The following KREMEN1 variants were observed in gnomAD, a reference collection of about 807,000 sequenced individuals.
The protein encoded by KREMEN1 is kringle containing transmembrane protein 1.
In KREMEN1, 30 loss-of-function variants were observed where a neutral mutation model predicts 46.5. The observed-to-expected ratio is 0.65, with a 90% CI of 0.48 to 0.88. KREMEN1 has a LOEUF of 0.88. Ranked by LOEUF, KREMEN1 falls within the 40% of genes least tolerant of loss-of-function variation. The probability of loss-of-function intolerance (pLI) is 0.00; values close to 1 mark genes in which losing one functional copy is unlikely to be tolerated. For synonymous variants in KREMEN1, 214 were observed against 230.6 expected (o/e 0.93, Z 0.65); for missense variants, 533 against 596.9 (o/e 0.89, Z 1.11).
chr22:29,110,032 C>T (rs919075150), intron 3 of KREMEN1, among the ~76,000 whole-genome samples: 4 of 152,296 alleles, frequency 2.6e-5, no homozygotes, highest in African/African-American at 7.2e-5. Context: ...GACCTTTTAC[C>T]AAGTAATGTG....
chr22:29,108,945 A>G (rs1287295577), intron 3 of KREMEN1, among the ~76,000 whole-genome samples: 1 of 152,060 alleles, frequency 6.6e-6, no homozygotes, highest in Non-Finnish European at 1.5e-5. Context: ...GCACACTACT[A>G]TGCCTGGCAA....
intron 3 of KREMEN1, among the ~76,000 whole-genome samples, chr22:29,113,456 G>A (rs1386920929): frequency 6.6e-6 from 1 of 152,186 alleles, no homozygotes; most frequent in Non-Finnish European, 1.5e-5. Context: ...AGTTGTTCTT[G>A]TTTGTGTGGT....
Position 29,142,780 on chromosome 22 carries a change from C to T in KREMEN1, c.*668C>T, listed in dbSNP as rs965303827. ...TTTATATCAAACCTGATACCTTACA[C>T]ATGGGCTTCTTTCTAGATTCTTCTT... is the stretch of plus-strand genomic sequence containing the variant. On this transcript the variant is annotated 3_prime_UTR_variant, in exon 9 of 9. Coordinates refer to ENST00000400335, the MANE Select transcript of KREMEN1 (RefSeq NM_001039570.3). The T allele has an allele frequency of 1.0e-6, 1 of 985,340 alleles. No individual in the cohort carries two copies. The highest frequency in any genetic ancestry group is 1.2e-6 in the Non-Finnish European group (1 of 829,926). 61.0% of individuals were successfully genotyped at this position (985,340 alleles called of 1,614,324 possible). A position where few individuals can be genotyped will look rare whatever the true frequency, so the allele number is the denominator to read the frequency against.
In KREMEN1 at chr22:29,143,403, G is replaced by A. The variant is rs145095696; in HGVS notation, c.*1291G>A. ...CTTAGGCAGCACTATATGAGACATG[G>A]GGCCTGTGGTCCTTCCTTCTGGTGT... On this transcript the variant is annotated 3_prime_UTR_variant, in exon 9 of 9. Transcript: ENST00000400335. 8.4e-4 allele frequency: 823 copies of A among 985,366 alleles called. 12 individuals are homozygous for A. In the East Asian group the frequency reaches 0.036, roughly 44 times the overall value. The allele number at this position is 985,366 out of a possible 1,614,324, so 61.0% of individuals were successfully genotyped here.
At chr22:29,097,791 C>CTTTATAAGAG in intron 2 of KREMEN1, among the ~76,000 whole-genome samples, 1 of 151,330 alleles carries the variant, frequency 6.6e-6, no homozygotes, top group Non-Finnish European at 1.5e-5. Context: ...TCTAGAGATA[C>CTTTATAAGAG]TTTATAAGAG....
intron 5 of KREMEN1, among the ~76,000 whole-genome samples, chr22:29,132,172 A>G (rs958043580): frequency 2.0e-5 from 3 of 152,034 alleles, no homozygotes; most frequent in African/African-American, 7.2e-5. Flanking sequence ...ACGACCGGCC[A>G]GAATAATGCT....
chr22:29,089,757 G>C (rs1248201288), intron 1 of KREMEN1, among the ~76,000 whole-genome samples: 1 of 152,050 alleles, frequency 6.6e-6, no homozygotes, highest in African/African-American at 2.4e-5. Flanking sequence ...TCATTCTCCT[G>C]CTCCAGTCAG....
intron 5 of KREMEN1, among the ~76,000 whole-genome samples, chr22:29,126,522 T>C (rs145388973): frequency 1.9e-3 from 289 of 149,168 alleles, no homozygotes; most frequent in African/African-American, 6.3e-3. Flanking sequence ...TCTATGTCTC[T>C]GTGTGTCTCC....
At chr22:29,151,581 A>G (rs988201778), downstream of KREMEN1, among the ~76,000 whole-genome samples, 3 of 152,212 alleles carry the variant, frequency 2.0e-5, no homozygotes, top group Admixed American at 6.5e-5. Context: ...GCCACAGACA[A>G]TATGTAAACA....
At chr22:29,153,065 A>G (rs1234874369) in intron 9 of KREMEN1, among the ~76,000 whole-genome samples, 2 of 152,200 alleles carry the variant, frequency 1.3e-5, no homozygotes, top group Admixed American at 1.3e-4. Flanking sequence ...TTTTTAGACC[A>G]TATAGGGTAA....
chr22:29,131,196 A>G (rs1311584472), intron 5 of KREMEN1, among the ~76,000 whole-genome samples: 2 of 152,102 alleles, frequency 1.3e-5, no homozygotes, highest in African/African-American at 4.8e-5. Flanking sequence ...TACCATTTTC[A>G]TTTTATAGAT....
At chr22:29,131,560 A>ATATATATGTGTG (rs1240832937) in intron 5 of KREMEN1, among the ~76,000 whole-genome samples, 18 of 69,928 alleles carry the variant, frequency 2.6e-4, no homozygotes, top group East Asian at 6.6e-4. Flanking sequence ...ATATATATAT[A>ATATATATGTGTG]TGTGTGTGTG....
At chr22:29,092,261 G>A (rs2037816522) in intron 1 of KREMEN1, among the ~76,000 whole-genome samples, 1 of 152,148 alleles carries the variant, frequency 6.6e-6, no homozygotes, top group African/African-American at 2.4e-5. Context: ...GAGAGAATGG[G>A]AGAAGCAAGA....
At chr22:29,163,460 A>G (rs545721196) in intron 9 of KREMEN1, among the ~76,000 whole-genome samples, 220 of 151,686 alleles carry the variant, frequency 1.5e-3, no homozygotes, top group African/African-American at 5.1e-3. Context: ...TCACTGCAAT[A>G]TCCGCCTCCC....
In KREMEN1 at chr22:29,082,198, A is replaced by C. The variant is rs189856368; in HGVS notation, c.97+8971A>C. Among the ~76,000 whole-genome samples the C allele has an allele frequency of 3.8e-3, 573 of 152,168 alleles. 1 individual carries two copies. Among genetic ancestry groups the C allele is most frequent in the Middle Eastern group, 0.017 (5 of 294 alleles). On this transcript the variant is annotated intron_variant, in intron 1 of 8. Coordinates refer to ENST00000400335, the MANE Select transcript of KREMEN1 (RefSeq NM_001039570.3). ...GCTTAAAGCAAACTAAGAATATAAA[A>C]TTCATATTTTTATTTTATTTTATTT...
chr22:29,103,966 T>TA (rs959543552), intron 3 of KREMEN1, among the ~76,000 whole-genome samples: 34 of 151,972 alleles, frequency 2.2e-4, no homozygotes, highest in African/African-American at 8.2e-4. Flanking sequence ...AAGAATGGTT[T>TA]AAAAAAAAGT....
Position 29,143,726 on chromosome 22 carries a change from T to A in KREMEN1, c.*1614T>A, listed in dbSNP as rs537275078. The A allele has an allele frequency of 6.2e-5, 60 of 974,372 alleles. 1 individual carries two copies. The highest frequency in any genetic ancestry group is 5.0e-4 in the African/African-American group (28 of 55,478). The allele number at this position is 974,372 out of a possible 1,614,324, so 60.4% of individuals were successfully genotyped here. A position where few individuals can be genotyped will look rare whatever the true frequency, so the allele number is the denominator to read the frequency against. ...CACTGCACTCCAGCCTGGGTGACAG[T>A]GCAAGACTCTGTCTCAAAAAAAAAA... On this transcript the variant is annotated 3_prime_UTR_variant, in exon 9 of 9. Transcript: ENST00000400335.
At chr22:29,098,461 G>A (rs546141100) in intron 2 of KREMEN1, among the ~76,000 whole-genome samples, 5 of 152,194 alleles carry the variant, frequency 3.3e-5, no homozygotes, top group Admixed American at 1.3e-4. Context: ...CCAAATTGCC[G>A]CTCTGACCAT....
chr22:29,088,331 GCA>G (rs1569313697), intron 1 of KREMEN1, among the ~76,000 whole-genome samples: 2 of 109,020 alleles, frequency 1.8e-5, no homozygotes, highest in Admixed American at 1.7e-4. Context: ...ACACACACAC[GCA>G]CACACATATT....
Sources: allele counts gnomAD v4.1 joint callset (sites outside exome capture counted in the v4.1 genomes callset), GRCh38; gene constraint gnomAD v4.1.1; transcripts MANE v1.5; gene names NCBI Gene and HGNC (gene_info 2026-07-23, HGNC 2026-07-21).